The following NAV2 variants were observed in gnomAD, a reference collection of about 807,000 sequenced individuals.
NAV2 encodes the protein helicase, APC down-regulated 1.
NAV2 carries 54 observed loss-of-function variants against 223.2 expected under a neutral mutation model. The ratio of observed to expected loss-of-function variants is 0.24; its 90% confidence interval spans 0.19 to 0.30. The LOEUF (loss-of-function observed/expected upper bound fraction) is 0.30, where lower values mean the gene tolerates loss of function less well. NAV2 is among the 10% of genes least tolerant of loss of function. The pLI is 1.00. For synonymous variants in NAV2, 1,279 were observed against 1,239.3 expected (o/e 1.03, Z -0.67); for missense variants, 2,806 against 3,147.5 (o/e 0.89, Z 2.60).
chr11:19,452,230 A>G (rs1851814512), intron 1 of NAV2, among the ~76,000 whole-genome samples: 1 of 152,114 alleles, frequency 6.6e-6, no homozygotes, highest in South Asian at 2.1e-4. Context: ...AGTTGAACTA[A>G]AGGCAAATTT....
chr11:19,886,144 A>AT (rs35749323), intron 5 of NAV2, among the ~76,000 whole-genome samples: 37,354 of 143,506 alleles, frequency 0.26, 4,878 homozygotes, highest in East Asian at 0.43. Flanking sequence ...TACCCAGCTA[A>AT]TTTTTTTTTT....
At chr11:19,447,784 C>T (rs1377367803) in intron 1 of NAV2, among the ~76,000 whole-genome samples, 1 of 152,186 alleles carries the variant, frequency 6.6e-6, no homozygotes, top group African/African-American at 2.4e-5. Flanking sequence ...CGTGCTGCTT[C>T]TGGAGAAGTG....
chr11:20,117,735 A>T (rs2063240654), intron 37 of NAV2, among the ~76,000 whole-genome samples: 1 of 152,200 alleles, frequency 6.6e-6, no homozygotes, highest in African/African-American at 2.4e-5. Flanking sequence ...CCACACCTTC[A>T]TCCAGGCCGA....
upstream of NAV2, among the ~76,000 whole-genome samples, chr11:19,708,453 C>T (rs943087548): frequency 6.6e-6 from 1 of 152,114 alleles, no homozygotes; most frequent in Non-Finnish European, 1.5e-5. Flanking sequence ...TAGACTTTTC[C>T]CCCCAAGATC....
intron 1 of NAV2, among the ~76,000 whole-genome samples, chr11:19,643,270 C>T (rs1044086808): frequency 1.3e-5 from 2 of 151,888 alleles, no homozygotes; most frequent in Non-Finnish European, 2.9e-5. Flanking sequence ...ACCCATTACT[C>T]GTCATTTAAC....
chr11:19,946,296 C>T (rs183082624), intron 8 of NAV2, 105 bp from the exon 9 acceptor site: 79 of 936,504 alleles, frequency 8.4e-5, no homozygotes, highest in African/African-American at 6.7e-4. Flanking sequence ...CAGCAAGGCA[C>T]GTGCTGAGCA....
At chr11:19,856,588 C>T (rs570354959) in intron 3 of NAV2, among the ~76,000 whole-genome samples, 11 of 152,232 alleles carry the variant, frequency 7.2e-5, no homozygotes, top group African/African-American at 1.9e-4. Context: ...TGTATGTGGA[C>T]GTTTCTAGTA....
intron 1 of NAV2, among the ~76,000 whole-genome samples, chr11:19,756,208 T>G (rs1259488861): frequency 6.6e-6 from 1 of 152,180 alleles, no homozygotes; most frequent in South Asian, 2.1e-4. Flanking sequence ...GAACGCACAT[T>G]CAGGTGTTTC....
Position 20,048,861 on chromosome 11 carries a change from G to A in NAV2, c.4036G>A (p.Val1346Ile), listed in dbSNP as rs765403443. 27 of 1,614,006 alleles carry A rather than the reference G, an allele frequency of 1.7e-5. No homozygotes were observed. The highest frequency in any genetic ancestry group is 1.3e-4 in the South Asian group (12 of 91,080). Residue 1346 changes from valine (V) to isoleucine (I), a missense_variant, in exon 15 of 38, where the codon GTC becomes ATC. Coordinates refer to ENST00000349880, the MANE Select transcript of NAV2 (RefSeq NM_145117.5). ...GNLDSPSGSG[V>I]LSSGSSSPLY... ...CCTAGACTCCCCGTCAGGCAGTGGC[G>A]TCCTGAGCAGTGGGAGCAGCAGTCC...
chr11:19,560,391 C>A (rs939569167), intron 1 of NAV2, among the ~76,000 whole-genome samples: 3 of 152,160 alleles, frequency 2.0e-5, no homozygotes, highest in Admixed American at 6.5e-5. Flanking sequence ...GGATTCAAGT[C>A]TTGGCTCTGC....
At chr11:19,754,479 G>A (rs1463251549) in intron 1 of NAV2, among the ~76,000 whole-genome samples, 2 of 152,156 alleles carry the variant, frequency 1.3e-5, no homozygotes, top group African/African-American at 4.8e-5. Flanking sequence ...TCCAAGCCTA[G>A]GCAGGAGCAA....
At chr11:19,992,844 C>T (rs1038301614) in intron 11 of NAV2, among the ~76,000 whole-genome samples, 1 of 152,126 alleles carries the variant, frequency 6.6e-6, no homozygotes, top group African/African-American at 2.4e-5. Context: ...TCCACCTACT[C>T]AGCCTCCCAA....
At chr11:20,056,788 T>C (rs750362807) in intron 19 of NAV2, among the ~76,000 whole-genome samples, 6 of 152,342 alleles carry the variant, frequency 3.9e-5, no homozygotes, top group South Asian at 2.1e-4. Flanking sequence ...GTATATGATT[T>C]TGATCAAGTT....
intron 1 of NAV2, 82 bp downstream of exon 1, chr11:19,714,044 G>T (rs1232533603): frequency 6.5e-7 from 1 of 1,530,364 alleles, no homozygotes; most frequent in Non-Finnish European, 8.9e-7. Flanking sequence ...GAAAGGGCTG[G>T]ATGGGAGAAG....
intron 1 of NAV2, among the ~76,000 whole-genome samples, chr11:19,813,764 C>G (rs2152820337): frequency 6.6e-6 from 1 of 152,294 alleles, no homozygotes; most frequent in East Asian, 1.9e-4. Context: ...GAGGACTGCG[C>G]TGCTGCTGTG....
At chr11:19,853,336 T>C (rs1289709168) in intron 3 of NAV2, among the ~76,000 whole-genome samples, 1 of 152,242 alleles carries the variant, frequency 6.6e-6, no homozygotes, top group Non-Finnish European at 1.5e-5. Flanking sequence ...TGTAAAGTTG[T>C]TTCCAGTTTT....
intron 5 of NAV2, among the ~76,000 whole-genome samples, chr11:19,886,059 T>C (rs2040943494): frequency 6.6e-6 from 1 of 152,196 alleles, no homozygotes; most frequent in Admixed American, 6.5e-5. Flanking sequence ...GGCGCTATCA[T>C]GGCTCCCTGA....
chr11:19,829,011 C>G lies in NAV2; in HGVS notation c.268-3473C>G, dbSNP rs188078317. ...GTGCACTTGTTGAAATAAGTTTAACCTTGGCTTCTTGCTGTGTTGTGCAAA... is the reference window on the plus strand; with the variant it reads ...GTGCACTTGTTGAAATAAGTTTAACGTTGGCTTCTTGCTGTGTTGTGCAAA... On this transcript the variant is annotated intron_variant, in intron 1 of 37. Coordinates refer to ENST00000349880, the MANE Select transcript of NAV2 (RefSeq NM_145117.5). Among the ~76,000 whole-genome samples the G allele has an allele frequency of 3.1e-3, 466 of 152,262 alleles. 2 individuals carry two copies. Among genetic ancestry groups the G allele is most frequent in the African/African-American group, 0.011 (449 of 41,542 alleles).
At chr11:20,036,597 T>C (rs951686882) in intron 12 of NAV2, among the ~76,000 whole-genome samples, 5 of 152,212 alleles carry the variant, frequency 3.3e-5, no homozygotes, top group Non-Finnish European at 7.3e-5. Context: ...TACATTCCCC[T>C]GCTGACGTGT....
Sources: allele counts gnomAD v4.1 joint callset (sites outside exome capture counted in the v4.1 genomes callset), GRCh38; gene constraint gnomAD v4.1.1; transcripts MANE v1.5; gene names NCBI Gene and HGNC (gene_info 2026-07-23, HGNC 2026-07-21).